IL17RC: variants seen among roughly 807,000 people sequenced by gnomAD.
IL17RC encodes interleukin-17 receptor C.
In IL17RC, 53 loss-of-function variants were observed where a neutral mutation model predicts 86.7. That is an observed-to-expected ratio of 0.61 (90% CI 0.49 to 0.77). The LOEUF (loss-of-function observed/expected upper bound fraction) is 0.77, where lower values mean the gene tolerates loss of function less well. Ranked by LOEUF, IL17RC falls within the 30% of genes least tolerant of loss-of-function variation. The probability of loss-of-function intolerance (pLI) is 0.00; values close to 1 mark genes in which losing one functional copy is unlikely to be tolerated. For synonymous variants in IL17RC, 439 were observed against 413.1 expected (o/e 1.06, Z -0.76); for missense variants, 957 against 940.0 (o/e 1.02, Z -0.24).
chr3:9,917,546 T>A, intron 1 of IL17RC, 126 bp downstream of exon 1: 1 of 1,614,148 alleles, frequency 6.2e-7, no homozygotes, highest in Non-Finnish European at 8.5e-7. Flanking sequence ...TGTCTGGTGC[T>A]GATGGTAGAA....
chr3:9,924,000 C>A lies in IL17RC; in HGVS notation c.742C>A (p.Pro248Thr), dbSNP rs549131522. 1.2e-6 allele frequency: 2 copies of A among 1,614,012 alleles called. No individual in the cohort carries two copies. The highest frequency in any genetic ancestry group is 4.5e-5 in the East Asian group (2 of 44,886). Residue 248 changes from proline (P) to threonine (T), a missense_variant, in exon 8 of 19, where the codon CCC becomes ACC. By Grantham distance (38) the Pro-to-Thr change is conservative. Coordinates refer to ENST00000403601, the MANE Select transcript of IL17RC (RefSeq NM_153460.4). ...YWNQVQGPPK[P>T]RWHKNLTGPQ... is the part of the protein sequence containing the mutation. ...GAATCAGGTCCAGGGCCCCCCAAAA[C>A]CCCGGTGGCACAAAAACCTGGTGAG...
chr3:9,929,799 G>A, intron 12 of IL17RC, 53 bp from the exon 13 acceptor site: 1 of 1,607,984 alleles, frequency 6.2e-7, no homozygotes, highest in Non-Finnish European at 8.5e-7. Context: ...TGGTCTTTCT[G>A]CCTTTGGCTT....
intron 5 of IL17RC, 54 bp downstream of exon 5, chr3:9,918,663 C>A: frequency 8.3e-7 from 1 of 1,198,390 alleles, no homozygotes; most frequent in Non-Finnish European, 1.2e-6. Flanking sequence ...AAAACTTTTT[C>A]ACATGCATTA....
intron 5 of IL17RC, among the ~76,000 whole-genome samples, chr3:9,919,595 G>A (rs535147438): frequency 2.0e-5 from 3 of 152,152 alleles, no homozygotes; most frequent in Non-Finnish European, 2.9e-5. Context: ...GCAGTGAGCC[G>A]AGATCGCGCC....
intron 7 of IL17RC, 81 bp from the exon 8 acceptor site, chr3:9,923,800 G>A: frequency 6.7e-7 from 1 of 1,499,938 alleles, no homozygotes; most frequent in Non-Finnish European, 9.2e-7. Flanking sequence ...TAGGGGGTTT[G>A]AAGGAAACTC....
chr3:9,920,992 C>A, intron 7 of IL17RC, 23 bp downstream of exon 7: 1 of 856,030 alleles, frequency 1.2e-6, no homozygotes, highest in Non-Finnish European at 1.8e-6. Flanking sequence ...GCCAGTGGGC[C>A]GGGGGTAGGG....
At position 9,917,942 on chromosome 3, in the gene IL17RC, G is replaced by A. The variant is rs2083237428; in HGVS notation, c.147G>A (p.Leu49=). The change falls in exon 3 of 19, where the codon CTG becomes CTA. Residue 49 remains leucine, a synonymous_variant. Transcript: ENST00000403601. ...CRLWDSDILC[L]PGDIVPAPGP... ...ACACAGACAGTGACATACTCTGCCT[G>A]CCTGGGGACATCGTGCCTGCTCCGG... is the stretch of plus-strand genomic sequence containing the variant. The A allele has an allele frequency of 1.2e-6, 2 of 1,613,324 alleles. No homozygotes were observed. Among genetic ancestry groups the A allele is most frequent in the Non-Finnish European group, 1.7e-6 (2 of 1,180,040 alleles).
chr3:9,930,869 G>C lies in IL17RC; in HGVS notation c.1339-26G>C, dbSNP rs1385222008. 6.2e-7 allele frequency: 1 copy of C among 1,612,298 alleles called. No homozygotes were observed. Among genetic ancestry groups the C allele is most frequent in the South Asian group, 1.1e-5 (1 of 91,046 alleles). ...ATTGGAACACCTGGCTGGTGCCCTG[G>C]ATTTGGTTCTGTTTGTATCTTACAG... On this transcript the variant is annotated intron_variant, in intron 15 of 18. Transcript: ENST00000403601. This position sits in a 1 kb window ranked among gnomAD's most constrained non-coding sequence, Gnocchi z 5.8.
At chr3:9,929,053 G>A (rs144910458) in intron 12 of IL17RC, 2,140 of 165,956 alleles carry the variant, frequency 0.013, 38 homozygotes, top group African/African-American at 0.048. Context: ...GGTGGCTCAC[G>A]CCTGTAATCC....
chr3:9,923,735 C>T, intron 7 of IL17RC, 146 bp from the exon 8 acceptor site: 1 of 874,386 alleles, frequency 1.1e-6, no homozygotes, highest in Non-Finnish European at 1.7e-6. Context: ...CTGCTAGGAG[C>T]AAAGTCTGGT....
intron 16 of IL17RC, 81 bp downstream of exon 16, chr3:9,931,024 G>A (rs1317714146): frequency 4.6e-6 from 5 of 1,081,188 alleles, no homozygotes; most frequent in Non-Finnish European, 7.2e-6. Context: ...CACAGCACAT[G>A]CAATGGCCTT....
chr3:9,918,394 G>A lies in IL17RC; in HGVS notation c.340G>A (p.Glu114Lys), dbSNP rs2083280569. ...KFGGAADSGV[E>K]EPRNASLQAQ... is the part of the protein sequence containing the mutation. The stretch of plus-strand genomic sequence containing the variant: ...TGGAGGAGCAGCTGACTCAGGGGTG[G>A]AGGAGCCTAGGAATGGTGAGGAGAA... Residue 114 changes from glutamate (E) to lysine (K), a missense_variant, in exon 4 of 19, where the codon GAG (glutamate) becomes AAG (lysine). Physicochemically the swap from Glu to Lys is moderately conservative, Grantham distance 56. Coordinates refer to ENST00000403601, the MANE Select transcript of IL17RC (RefSeq NM_153460.4). 6.2e-7 allele frequency: 1 copy of A among 1,611,422 alleles called. No individual in the cohort carries two copies. Among genetic ancestry groups the A allele is most frequent in the East Asian group, 2.2e-5 (1 of 44,784 alleles).
At position 9,933,538 on chromosome 3, in the gene IL17RC, C is replaced by G; in HGVS notation, c.2108C>G (p.Ala703Gly). ...TACTTCCATCCCCCGGGGACTCCCG[C>G]GCCGGGACGCGGGGTGGGACCAGGC... The part of the protein sequence containing the change: ...DSYFHPPGTP[A>G]PGRGVGPGAG... Residue 703 changes from alanine to glycine, a missense_variant, in exon 19 of 19, where the codon GCG becomes GGG. By Grantham distance (60) the Ala-to-Gly change is moderately conservative. Coordinates refer to ENST00000403601, the MANE Select transcript of IL17RC (RefSeq NM_153460.4). 6.2e-7 allele frequency: 1 copy of G among 1,606,644 alleles called. No homozygotes were observed. Among genetic ancestry groups the G allele is most frequent in the Non-Finnish European group, 8.5e-7 (1 of 1,177,082 alleles).
At chr3:9,927,739 G>C (rs1028308496) in intron 9 of IL17RC, among the ~76,000 whole-genome samples, 3 of 152,050 alleles carry the variant, frequency 2.0e-5, no homozygotes, top group African/African-American at 7.2e-5. Context: ...TCAGGAGTTC[G>C]AGACCAGCCT....
chr3:9,927,498 T>A (rs764803526), intron 9 of IL17RC, among the ~76,000 whole-genome samples: 1 of 152,110 alleles, frequency 6.6e-6, no homozygotes, highest in Non-Finnish European at 1.5e-5. Context: ...GCGGAGGTTG[T>A]GGTGAGCTGA....
chr3:9,921,536 T>C (rs1330035124), intron 7 of IL17RC, among the ~76,000 whole-genome samples: 3 of 152,112 alleles, frequency 2.0e-5, no homozygotes, highest in African/African-American at 4.8e-5. Flanking sequence ...TTTTCCCACG[T>C]ACTATTTGGA....
At chr3:9,927,149 C>T (rs1424047370) in intron 9 of IL17RC, among the ~76,000 whole-genome samples, 2 of 152,214 alleles carry the variant, frequency 1.3e-5, no homozygotes, top group African/African-American at 4.8e-5. Flanking sequence ...TAGAGCTATG[C>T]ACATAATAGG....
At chr3:9,932,383 C>T (rs775436886) in intron 16 of IL17RC, among the ~76,000 whole-genome samples, 5 of 151,976 alleles carry the variant, frequency 3.3e-5, no homozygotes, top group Non-Finnish European at 7.4e-5. Context: ...TGTGCCACCA[C>T]GCCCGGCTAA....
At chr3:9,921,095 CATT>C (rs749030067) in intron 7 of IL17RC, 126 bp downstream of exon 7, 1 of 585,714 alleles carries the variant, frequency 1.7e-6, no homozygotes. Context: ...TTCATTCATT[CATT>C]CATTCATTCA....
Sources: allele counts gnomAD v4.1 joint callset (sites outside exome capture counted in the v4.1 genomes callset), GRCh38; gene constraint gnomAD v4.1.1; non-coding constraint Gnocchi (gnomAD v3.1); transcripts MANE v1.5; gene names NCBI Gene and HGNC (gene_info 2026-07-23, HGNC 2026-07-21).